Variants in PAXIP1 observed in about 807,000 individuals in gnomAD.
PAXIP1 encodes the protein PAX interacting protein 1.
Under a neutral mutation model 140.6 loss-of-function variants are expected in PAXIP1, and 19 were observed. The observed-to-expected ratio is 0.14, with a 90% CI of 0.09 to 0.20. The LOEUF (loss-of-function observed/expected upper bound fraction) is 0.20. Ranked by LOEUF, PAXIP1 falls within the 10% of genes least tolerant of loss-of-function variation. The pLI, the probability that PAXIP1 is intolerant of heterozygous loss-of-function variation, is 1.00. For missense variants in PAXIP1, 920 were observed against 1,208.6 expected (o/e 0.76, Z 3.54); for synonymous variants, 442 against 444.6 (o/e 0.99, Z 0.07).
At position 154,968,331 on chromosome 7, in the gene PAXIP1, TCAAA is replaced by T. The variant is rs1413089563; in HGVS notation, c.1798+68_1798+71del. 6 of 1,315,282 alleles carry T rather than the reference TCAAA, an allele frequency of 4.6e-6. No individual in the cohort carries two copies. In the East Asian group the frequency reaches 1.5e-4, roughly 33 times the overall value. The allele number at this position is 1,315,282 out of a possible 1,614,324, so 81.5% of individuals were successfully genotyped here. On this transcript the variant is annotated intron_variant, in intron 7 of 20. Coordinates refer to ENST00000404141, the MANE Select transcript of PAXIP1 (RefSeq NM_007349.4). ...TTTGATATGAATCCTCACCCCACACTCAAACACTCTCAAAGCATTTATGTGGGTA... is the reference window on the plus strand; with the variant it reads ...TTTGATATGAATCCTCACCCCACACTCACTCTCAAAGCATTTATGTGGGTA...
chr7:154,976,765 T>G (rs1389042866), intron 5 of PAXIP1, among the ~76,000 whole-genome samples: 1 of 152,124 alleles, frequency 6.6e-6, no homozygotes, highest in Non-Finnish European at 1.5e-5. Context: ...TCACGTACAC[T>G]CATGGAGCAT....
chr7:154,977,196 C>G (rs1380407658), intron 5 of PAXIP1, among the ~76,000 whole-genome samples: 2 of 151,972 alleles, frequency 1.3e-5, no homozygotes, highest in African/African-American at 4.8e-5. Flanking sequence ...GTGGAAGGCA[C>G]AGGGGAGGGA....
At chr7:154,981,336 C>T (rs545700128) in intron 5 of PAXIP1, among the ~76,000 whole-genome samples, 63 of 152,240 alleles carry the variant, frequency 4.1e-4, no homozygotes, top group African/African-American at 1.3e-3. Context: ...CTGCTTTTAA[C>T]AAATATTTAC....
chr7:154,991,432 T>TA (rs35869687), intron 3 of PAXIP1, among the ~76,000 whole-genome samples: 35,084 of 152,150 alleles, frequency 0.23, 4,691 homozygotes, highest in Admixed American at 0.33. Flanking sequence ...GCAGTTATTT[T>TA]AAAAGCAAAA....
At chr7:154,992,608 A>G (rs1381819977) in intron 3 of PAXIP1, among the ~76,000 whole-genome samples, 2 of 151,944 alleles carry the variant, frequency 1.3e-5, no homozygotes, top group Non-Finnish European at 2.9e-5. Context: ...AAAAAAAAAA[A>G]GATCTCAGCT....
chr7:154,996,620 T>A (rs1333259503), intron 2 of PAXIP1, among the ~76,000 whole-genome samples: 6 of 152,234 alleles, frequency 3.9e-5, no homozygotes, highest in African/African-American at 1.4e-4. Flanking sequence ...TGGGGTATGA[T>A]ATCAATCTGT....
chr7:154,973,068 A>G lies in PAXIP1; in HGVS notation c.1074+2628T>C, dbSNP rs906223210. On this transcript the variant is annotated intron_variant, in intron 6 of 20. Coordinates refer to ENST00000404141, the MANE Select transcript of PAXIP1 (RefSeq NM_007349.4). The surrounding 1 kb of genome is among the most constrained non-coding windows in gnomAD (Gnocchi z 4.0). ...CACCCTCAGCATTGGGCGGTGCTGGAGCTGGCTCCTTCTGTGCATCTACCT... is the reference window on the plus strand; with the variant it reads ...CACCCTCAGCATTGGGCGGTGCTGGGGCTGGCTCCTTCTGTGCATCTACCT... Among the ~76,000 whole-genome samples, 3 of 152,128 alleles carry G rather than the reference A, an allele frequency of 2.0e-5. No individual in the cohort carries two copies. Among genetic ancestry groups the G allele is most frequent in the Non-Finnish European group, 4.4e-5 (3 of 68,044 alleles).
chr7:154,973,596 TC>T lies in PAXIP1; in HGVS notation c.1074+2099del, dbSNP rs560755781. On this transcript the variant is annotated intron_variant, in intron 6 of 20. Transcript: ENST00000404141. The surrounding 1 kb of genome is among the most constrained non-coding windows in gnomAD (Gnocchi z 4.0). ...GGATGCCAGCCAACCGCTGTCATCA[TC>T]CCAAGAACCGTGTACTACTAATACT... 3.7e-4 allele frequency among the ~76,000 whole-genome samples: 56 copies of T among 152,296 alleles called. No individual in the cohort carries two copies. The highest frequency in any genetic ancestry group is 2.4e-3 in the Admixed American group (37 of 15,290).
At chr7:154,951,710 A>G (rs1230409824) in intron 16 of PAXIP1, 1 of 152,252 alleles carries the variant, frequency 6.6e-6, no homozygotes, top group African/African-American at 2.4e-5. Flanking sequence ...TACAGATAAA[A>G]CAACCACATT....
Position 154,952,524 on chromosome 7 carries a change from T to C in PAXIP1, c.2821+1731A>G, listed in dbSNP as rs548015432. ...TGCAAGAAGGCAGTGATGTGCCTTA[T>C]GGAGAAAATATGTGTCTCAGGGAAG... is the stretch of plus-strand genomic sequence containing the variant. On this transcript the variant is annotated intron_variant, in intron 16 of 20. Coordinates refer to ENST00000404141, the MANE Select transcript of PAXIP1 (RefSeq NM_007349.4). Among the ~76,000 whole-genome samples the C allele has an allele frequency of 3.5e-4, 53 of 152,354 alleles. No homozygotes were observed. In the South Asian group the frequency reaches 0.011, roughly 31 times the overall value.
chr7:154,990,432 C>A (rs1810277431), intron 4 of PAXIP1, among the ~76,000 whole-genome samples: 1 of 152,200 alleles, frequency 6.6e-6, no homozygotes, highest in Non-Finnish European at 1.5e-5. Flanking sequence ...TCCTAGGAAA[C>A]TGCTGTACTC....
At chr7:154,950,824 G>C (rs1306804736) in intron 16 of PAXIP1, 1 of 152,266 alleles carries the variant, frequency 6.6e-6, no homozygotes, top group Non-Finnish European at 1.5e-5. Flanking sequence ...GCCATGAAAA[G>C]ACATGGAGGA....
intron 16 of PAXIP1, among the ~76,000 whole-genome samples, chr7:154,953,001 T>C (rs1197563728): frequency 2.0e-5 from 3 of 152,276 alleles, no homozygotes; most frequent in African/African-American, 7.2e-5. Flanking sequence ...CTTTAAGATA[T>C]ATACACTTCT....
intron 1 of PAXIP1, chr7:155,000,620 C>A (rs1810845744): frequency 1.3e-5 from 2 of 152,256 alleles, no homozygotes; most frequent in Non-Finnish European, 2.9e-5. Context: ...CAACTCCCTG[C>A]AATCCAGCCC....
At chr7:154,994,799 T>C (rs149088032) in intron 2 of PAXIP1, among the ~76,000 whole-genome samples, 1 of 152,364 alleles carries the variant, frequency 6.6e-6, no homozygotes, top group Non-Finnish European at 1.5e-5. Context: ...GTGCCTGGGA[T>C]AATTACTTCA....
chr7:154,975,525 C>CACAT (rs2150765743), intron 6 of PAXIP1, among the ~76,000 whole-genome samples, 171 bp downstream of exon 6: 1 of 856 alleles, frequency 1.2e-3, no homozygotes, highest in African/African-American at 2.1e-3. Context: ...TATACACATA[C>CACAT]ACACACACAC....
In PAXIP1 at chr7:154,973,716, T is replaced by C. The variant is rs1040315428; in HGVS notation, c.1074+1980A>G. On this transcript the variant is annotated intron_variant, in intron 6 of 20. Transcript: ENST00000404141. This position sits in a 1 kb window ranked among gnomAD's most constrained non-coding sequence, Gnocchi z 4.0. ...AAACCACTGCTATTATCATACCCAA[T>C]AAAATGATCATTGTCAACATCACCT... 6.6e-6 allele frequency among the ~76,000 whole-genome samples: 1 copy of C among 152,156 alleles called. No homozygotes were observed. The highest frequency in any genetic ancestry group is 2.4e-5 in the African/African-American group (1 of 41,432).
Position 154,983,223 on chromosome 7 carries a change from T to C in PAXIP1, c.434A>G (p.Lys145Arg), listed in dbSNP as rs753811364. 1.9e-6 allele frequency: 3 copies of C among 1,576,088 alleles called. No homozygotes were observed. In the South Asian group the frequency reaches 3.5e-5, roughly 18 times the overall value. Residue 145 changes from lysine (K) to arginine (R), a missense_variant, in exon 5 of 21, where the codon AAG becomes AGG. By Grantham distance (26) the Lys-to-Arg change is conservative (BLOSUM62 2). Coordinates refer to ENST00000404141, the MANE Select transcript of PAXIP1 (RefSeq NM_007349.4). The stretch of plus-strand genomic sequence containing the variant: ...GGTGGCACAAGAAACGCTTACCCCC[T>C]TTGGCTCTGGAACAATCAAATGCGT... ...KCTHLIVPEP[K>R]GEKYECALKR...
chr7:154,966,596 G>C (rs984571916), intron 8 of PAXIP1, among the ~76,000 whole-genome samples: 3 of 152,140 alleles, frequency 2.0e-5, no homozygotes, highest in Admixed American at 6.5e-5. Flanking sequence ...TACTTCTCAA[G>C]ACAGTTTCTC....
Sources: gnomAD v4.1 joint callset for allele counts (sites outside exome capture counted in the v4.1 genomes callset) on GRCh38, gnomAD v4.1.1 for gene constraint, Gnocchi (gnomAD v3.1) non-coding constraint, MANE v1.5 for transcripts, NCBI Gene and HGNC (gene_info 2026-07-23, HGNC 2026-07-21) for gene names.